KHDRBS2: variants seen among roughly 807,000 people sequenced by gnomAD.
KHDRBS2 encodes KH domain-containing, RNA-binding, signal transduction-associated protein 2.
In KHDRBS2, 26 loss-of-function variants were observed where a neutral mutation model predicts 44.3. The ratio of observed to expected loss-of-function variants is 0.59; its 90% CI spans 0.43 to 0.81. The LOEUF (loss-of-function observed/expected upper bound fraction) is 0.81. Among genes scored for constraint, KHDRBS2 ranks in the 40% least tolerant of loss-of-function variants. The probability of loss-of-function intolerance (pLI) is 0.00; values close to 1 mark genes in which losing one functional copy is unlikely to be tolerated. For missense variants in KHDRBS2, 476 were observed against 433.1 expected (o/e 1.10, Z -0.88); for synonymous variants, 194 against 151.1 (o/e 1.28, Z -2.08).
downstream of KHDRBS2, among the ~76,000 whole-genome samples, chr6:61,675,566 A>G (rs1765884056): frequency 2.0e-5 from 3 of 151,922 alleles, no homozygotes; most frequent in South Asian, 6.2e-4. Context: ...ATCTAAATAT[A>G]CATTAAATAT....
At position 62,119,733 on chromosome 6, in the gene KHDRBS2, C is replaced by T. The variant is rs148330350; in HGVS notation, c.219+57452G>A. ...AGTGGTGGCAACATTCCCTCCTCCA[C>T]TCACACTGCCATCAGTCTTGCCACC... On this transcript the variant is annotated intron_variant, in intron 2 of 8. Coordinates refer to ENST00000281156, the MANE Select transcript of KHDRBS2 (RefSeq NM_152688.4). Among the ~76,000 whole-genome samples, 376 of 152,334 alleles carry T rather than the reference C, an allele frequency of 2.5e-3. 3 individuals are homozygous for T. Among genetic ancestry groups the T allele is most frequent in the African/African-American group, 8.3e-3 (344 of 41,582 alleles).
chr6:61,758,050 A>G (rs1193774035), intron 6 of KHDRBS2, among the ~76,000 whole-genome samples: 1 of 152,120 alleles, frequency 6.6e-6, no homozygotes, highest in Non-Finnish European at 1.5e-5. Context: ...TAGTACTCTT[A>G]CAATTTTTAG....
intron 4 of KHDRBS2, among the ~76,000 whole-genome samples, chr6:61,953,999 C>A (rs1212014791): frequency 6.6e-6 from 1 of 152,126 alleles, no homozygotes; most frequent in Non-Finnish European, 1.5e-5. Context: ...GTGATACAAA[C>A]ATGACAAGTG....
chr6:61,915,676 A>G (rs560676665), intron 4 of KHDRBS2, among the ~76,000 whole-genome samples: 134 of 152,162 alleles, frequency 8.8e-4, no homozygotes, highest in African/African-American at 3.1e-3. Context: ...ACAGAAAAGA[A>G]TATTTTTAAA....
At chr6:62,141,180 AG>A (rs1464163567) in intron 2 of KHDRBS2, among the ~76,000 whole-genome samples, 1 of 152,202 alleles carries the variant, frequency 6.6e-6, no homozygotes, top group East Asian at 1.9e-4. Flanking sequence ...GCAGTGTAAA[AG>A]TGAAGATGTT....
chr6:61,992,916 C>G (rs1170369559), intron 3 of KHDRBS2, among the ~76,000 whole-genome samples: 1 of 152,110 alleles, frequency 6.6e-6, no homozygotes, highest in Non-Finnish European at 1.5e-5. Context: ...AAGTACACTC[C>G]TAGCACCAGA....
At chr6:61,565,247 T>C in the KHDRBS2 span, among the ~76,000 whole-genome samples, 1 of 152,184 alleles carries the variant, frequency 6.6e-6, no homozygotes, top group South Asian at 2.1e-4. Context: ...GCTTAGGACA[T>C]TGATGTGGCA....
intron 1 of KHDRBS2, among the ~76,000 whole-genome samples, chr6:62,211,571 A>G (rs1455733016): frequency 1.3e-5 from 2 of 152,204 alleles, no homozygotes; most frequent in Admixed American, 6.5e-5. Context: ...ATTACTTGTG[A>G]TGATGATATT....
At position 62,199,118 on chromosome 6, in the gene KHDRBS2, C is replaced by T. The variant is rs535064416; in HGVS notation, c.92-21806G>A. On this transcript the variant is annotated intron_variant, in intron 1 of 8. Coordinates refer to ENST00000281156, the MANE Select transcript of KHDRBS2 (RefSeq NM_152688.4). Reference sequence around the variant, plus strand: ...TAATAACAGCTGTCTATGACAGACCCACAATCAGTATCATATTGGATGGGC... The same window carrying T: ...TAATAACAGCTGTCTATGACAGACCTACAATCAGTATCATATTGGATGGGC... Among the ~76,000 whole-genome samples, 11 of 152,172 alleles carry T rather than the reference C, an allele frequency of 7.2e-5. No individual in the cohort carries two copies. The Middle Eastern group carries it at 0.014, about 188-fold the overall frequency.
At chr6:61,723,277 A>G (rs1772996838) in intron 7 of KHDRBS2, among the ~76,000 whole-genome samples, 1 of 152,180 alleles carries the variant, frequency 6.6e-6, no homozygotes, top group Non-Finnish European at 1.5e-5. Context: ...CACAAAGATG[A>G]GAAAGAATCA....
the KHDRBS2 span, among the ~76,000 whole-genome samples, chr6:61,653,899 A>C: frequency 1.7e-4 from 1 of 5,976 alleles, no homozygotes; most frequent in Admixed American, 1.7e-3. Context: ...CAAGATCGCA[A>C]TGTTTCAACA....
At chr6:62,188,206 A>G (rs577014225) in intron 1 of KHDRBS2, among the ~76,000 whole-genome samples, 9 of 152,160 alleles carry the variant, frequency 5.9e-5, no homozygotes, top group Admixed American at 2.6e-4. Flanking sequence ...CTATTTCATC[A>G]TGAGATTTGG....
At chr6:61,888,167 G>A (rs1249280810) in intron 6 of KHDRBS2, among the ~76,000 whole-genome samples, 1 of 152,100 alleles carries the variant, frequency 6.6e-6, no homozygotes, top group Non-Finnish European at 1.5e-5. Flanking sequence ...TTGGGGCTGG[G>A]TCCCCAATAA....
At chr6:61,955,995 T>G (rs532279766) in intron 4 of KHDRBS2, among the ~76,000 whole-genome samples, 7 of 152,092 alleles carry the variant, frequency 4.6e-5, no homozygotes, top group Admixed American at 3.9e-4. Flanking sequence ...CGTATTGAGA[T>G]CATCCTGGCC....
At chr6:61,720,538 A>G (rs757801038) in intron 7 of KHDRBS2, among the ~76,000 whole-genome samples, 6 of 152,044 alleles carry the variant, frequency 3.9e-5, no homozygotes, top group Admixed American at 6.6e-5. Flanking sequence ...GTGATGGTGA[A>G]CATTTTTTCA....
chr6:61,744,143 C>T (rs1449099005), intron 6 of KHDRBS2, among the ~76,000 whole-genome samples: 1 of 151,996 alleles, frequency 6.6e-6, no homozygotes, highest in Non-Finnish European at 1.5e-5. Flanking sequence ...TTTTAATATA[C>T]TTTAAGTTAA....
At chr6:62,067,584 A>G (rs1207579201) in intron 2 of KHDRBS2, among the ~76,000 whole-genome samples, 3 of 151,608 alleles carry the variant, frequency 2.0e-5, no homozygotes, top group African/African-American at 4.8e-5. Context: ...TTATTGATAT[A>G]TAGTTTACGT....
intron 1 of KHDRBS2, among the ~76,000 whole-genome samples, chr6:62,181,809 A>G (rs1226361384): frequency 1.3e-5 from 2 of 151,930 alleles, no homozygotes; most frequent in Non-Finnish European, 2.9e-5. Flanking sequence ...TCATGCTCTT[A>G]AAAAAGAGGC....
intron 6 of KHDRBS2, among the ~76,000 whole-genome samples, chr6:61,893,700 G>A (rs1361968892): frequency 1.3e-5 from 2 of 152,092 alleles, no homozygotes; most frequent in Non-Finnish European, 2.9e-5. Context: ...ATTGAACAAT[G>A]GGAACACATG....
Sources: gnomAD v4.1 joint callset for allele counts (sites outside exome capture counted in the v4.1 genomes callset) on GRCh38, gnomAD v4.1.1 for gene constraint, MANE v1.5 for transcripts, NCBI Gene and HGNC (gene_info 2026-07-23, HGNC 2026-07-21) for gene names.